TEX29: variants seen among roughly 807,000 people sequenced by gnomAD.
The protein encoded by TEX29 is testis-expressed protein 29.
In TEX29, 26 loss-of-function variants were observed where a neutral mutation model predicts 18.2. That is an observed-to-expected ratio of 1.43 (90% CI 1.04 to 1.98). The LOEUF is 1.98. Ranked by LOEUF, TEX29 falls within the 30% of genes most tolerant of loss-of-function variation. The pLI is 0.00. For missense variants in TEX29, 177 were observed against 194.2 expected, an observed-to-expected ratio of 0.91 and a Z score of 0.53; for synonymous variants, 83 against 78.5, an observed-to-expected ratio of 1.06 and a Z score of -0.31.
At chr13:111,325,275 C>T (rs1484611676) in intron 2 of TEX29, among the ~76,000 whole-genome samples, 2 of 152,268 alleles carry the variant, frequency 1.3e-5, no homozygotes, top group Non-Finnish European at 2.9e-5. Flanking sequence ...GCCACGCTGT[C>T]ATGACTCTGG....
intron 3 of TEX29, among the ~76,000 whole-genome samples, chr13:111,337,719 G>A (rs781108886): frequency 3.3e-5 from 5 of 152,014 alleles, no homozygotes; most frequent in African/African-American, 7.3e-5. Context: ...AAGTTTCCAC[G>A]GGACAGTCCT....
intron 3 of TEX29, among the ~76,000 whole-genome samples, chr13:111,329,448 A>G (rs1052652749): frequency 1.3e-5 from 2 of 151,104 alleles, no homozygotes; most frequent in African/African-American, 4.9e-5. Flanking sequence ...ATTTCCCGCT[A>G]GACTGAGCCT....
At chr13:111,319,272 T>G (rs931960085), upstream of TEX29, among the ~76,000 whole-genome samples, 1 of 152,096 alleles carries the variant, frequency 6.6e-6, no homozygotes, top group Admixed American at 6.5e-5. Context: ...TTACATTGAG[T>G]GTTCCCAACA....
At chr13:111,343,686 C>A (rs1022296756) in intron 5 of TEX29, among the ~76,000 whole-genome samples, 1 of 152,156 alleles carries the variant, frequency 6.6e-6, no homozygotes, top group South Asian at 2.1e-4. Context: ...AACGGCCTGG[C>A]CTTACCCATT....
At chr13:111,343,012 G>T (rs2093699164) in intron 5 of TEX29, 81 bp downstream of exon 5, 12 of 1,487,324 alleles carry the variant, frequency 8.1e-6, no homozygotes, top group Middle Eastern at 1.8e-4. Flanking sequence ...CTGGGAAGGG[G>T]CTCAACATCT....
intron 2 of TEX29, among the ~76,000 whole-genome samples, chr13:111,326,844 GTGTCCACCC>G (rs1326068413): frequency 6.6e-6 from 1 of 152,162 alleles, no homozygotes; most frequent in Non-Finnish European, 1.5e-5. Flanking sequence ...TTCTGGCGCT[GTGTCCACCC>G]TGGAATTGCA....
At chr13:111,320,250 C>CTCTG (rs1315826743), upstream of TEX29, among the ~76,000 whole-genome samples, 1 of 152,248 alleles carries the variant, frequency 6.6e-6, no homozygotes, top group Non-Finnish European at 1.5e-5. Context: ...AGCTACGTCA[C>CTCTG]TCTGTCCTCT....
chr13:111,317,132 C>T (rs1018492774), upstream of TEX29, among the ~76,000 whole-genome samples: 1 of 151,900 alleles, frequency 6.6e-6, no homozygotes, highest in Non-Finnish European at 1.5e-5. Flanking sequence ...ATTTAATTAA[C>T]GTATTTTATT....
chr13:111,324,652 G>A (rs1343043563), intron 2 of TEX29, among the ~76,000 whole-genome samples: 1 of 152,182 alleles, frequency 6.6e-6, no homozygotes, highest in Non-Finnish European at 1.5e-5. Flanking sequence ...AGCACAGGAA[G>A]GAGAAACGCC....
At chr13:111,320,605 G>C (rs1288341666), upstream of TEX29, 2 of 526,570 alleles carry the variant, frequency 3.8e-6, no homozygotes, top group Admixed American at 6.4e-5. Context: ...TGTCACAGCG[G>C]GCGGGGTGGT....
At chr13:111,329,848 G>T (rs2093680083) in intron 3 of TEX29, among the ~76,000 whole-genome samples, 1 of 152,138 alleles carries the variant, frequency 6.6e-6, no homozygotes, top group African/African-American at 2.4e-5. Flanking sequence ...ATGGCTGGTT[G>T]TAGACTCACC....
At chr13:111,321,941 G>C (rs746698622) in intron 2 of TEX29, among the ~76,000 whole-genome samples, 56 of 152,186 alleles carry the variant, frequency 3.7e-4, no homozygotes, top group Non-Finnish European at 6.9e-4. Flanking sequence ...AACAAACCAA[G>C]AAAATGGAAG....
In TEX29 at chr13:111,344,124, C is replaced by T. The variant is rs1373507305; in HGVS notation, c.*1C>T. On this transcript the variant is annotated 3_prime_UTR_variant, in exon 6 of 6. Coordinates refer to ENST00000283547, the MANE Select transcript of TEX29 (RefSeq NM_152324.3). Reference sequence around the variant, plus strand: ...AGAAGCCGAAGAAACTGAGGACTGACTGAGACGCATGAAGAAGTGGAGATT... The same window carrying T: ...AGAAGCCGAAGAAACTGAGGACTGATTGAGACGCATGAAGAAGTGGAGATT... The T allele has an allele frequency of 2.4e-5, 39 of 1,612,424 alleles. No homozygotes were observed. Among genetic ancestry groups the T allele is most frequent in the Non-Finnish European group, 3.3e-5 (39 of 1,178,756 alleles).
intron 2 of TEX29, among the ~76,000 whole-genome samples, chr13:111,327,552 C>G (rs2093676062): frequency 6.6e-6 from 1 of 152,186 alleles, no homozygotes; most frequent in Non-Finnish European, 1.5e-5. Flanking sequence ...CCAGCCCAGT[C>G]CCTCGGTGGC....
chr13:111,317,742 C>T (rs1476079548), upstream of TEX29, among the ~76,000 whole-genome samples: 2 of 152,184 alleles, frequency 1.3e-5, no homozygotes, highest in Non-Finnish European at 2.9e-5. Context: ...GGACGTGGGC[C>T]GAGGGTTCTG....
intron 3 of TEX29, among the ~76,000 whole-genome samples, chr13:111,337,064 C>T (rs1011473073): frequency 2.0e-5 from 3 of 152,154 alleles, no homozygotes; most frequent in African/African-American, 7.2e-5. Flanking sequence ...TCAGGGTTAC[C>T]TTCTTGCCTC....
At chr13:111,322,998 C>T (rs1223899370) in intron 2 of TEX29, among the ~76,000 whole-genome samples, 1 of 152,222 alleles carries the variant, frequency 6.6e-6, no homozygotes, top group Admixed American at 6.5e-5. Context: ...AAGAAGCAGC[C>T]TAGAGGAATT....
chr13:111,326,739 T>G (rs2477468), intron 2 of TEX29, among the ~76,000 whole-genome samples: 120,464 of 149,706 alleles, frequency 0.8, 48,488 homozygotes, highest in Admixed American at 0.88. Context: ...GGCAGTGCGA[T>G]CCTGGCGCTG....
chr13:111,317,380 A>G (rs1428704862), upstream of TEX29, among the ~76,000 whole-genome samples: 1 of 152,086 alleles, frequency 6.6e-6, no homozygotes, highest in Non-Finnish European at 1.5e-5. Context: ...TGGCAGCAGC[A>G]TGTAGGGAAT....
Sources: allele counts gnomAD v4.1 joint callset (sites outside exome capture counted in the v4.1 genomes callset), GRCh38; gene constraint gnomAD v4.1.1; transcripts MANE v1.5; gene names NCBI Gene and HGNC (gene_info 2026-07-23, HGNC 2026-07-21).